The following PCDHA13 variants were observed in gnomAD, a reference collection of about 807,000 sequenced individuals.
PCDHA13 encodes the protein protocadherin alpha 13, also known as protocadherin alpha-13.
PCDHA13 carries 54 observed loss-of-function variants against 64.8 expected under a neutral mutation model. The observed-to-expected ratio is 0.83, with a 90% confidence interval of 0.67 to 1.04. The LOEUF is 1.04. PCDHA13 is among the 50% of genes least tolerant of loss of function. The pLI, the probability that PCDHA13 is intolerant of heterozygous loss-of-function variation, is 0.00. For synonymous variants in PCDHA13, 587 were observed against 564.4 expected, an observed-to-expected ratio of 1.04 and a Z score of -0.57; for missense variants, 1,248 against 1,254.3, an observed-to-expected ratio of 0.99 and a Z score of 0.08.
chr5:140,971,541 G>C (rs544682624), intron 1 of PCDHA13, among the ~76,000 whole-genome samples: 1 of 152,290 alleles, frequency 6.6e-6, no homozygotes, highest in Non-Finnish European at 1.5e-5. Flanking sequence ...ATCATTGCCA[G>C]ATCAACCTGT....
chr5:140,988,062 A>G (rs1032842011), intron 3 of PCDHA13, among the ~76,000 whole-genome samples: 1 of 152,114 alleles, frequency 6.6e-6, no homozygotes, highest in Non-Finnish European at 1.5e-5. Context: ...GTCAACATGA[A>G]TTTTTCTATT....
intron 1 of PCDHA13, 88 bp downstream of exon 1, chr5:140,884,750 A>T (rs1032518651): frequency 8.1e-5 from 116 of 1,431,120 alleles, no homozygotes; most frequent in Non-Finnish European, 1.2e-5. Context: ...TGCCAATTTC[A>T]AATTATTCTT....
At chr5:140,968,756 G>T in intron 1 of PCDHA13, 1 of 1,614,202 alleles carries the variant, frequency 6.2e-7, no homozygotes, top group Non-Finnish European at 8.5e-7. Flanking sequence ...GGTGGTCCGA[G>T]ATAATGGAGA....
At chr5:140,916,760 G>A (rs1387005871) in intron 1 of PCDHA13, among the ~76,000 whole-genome samples, 1 of 152,180 alleles carries the variant, frequency 6.6e-6, no homozygotes, top group Non-Finnish European at 1.5e-5. Context: ...ATTAGGGGAG[G>A]GGTGGCACAA....
chr5:140,921,257 A>G lies in PCDHA13; in HGVS notation c.2394+36595A>G, dbSNP rs115706395. On this transcript the variant is annotated intron_variant, in intron 1 of 3. Coordinates refer to ENST00000289272, the MANE Select transcript of PCDHA13 (RefSeq NM_018904.3). The stretch of plus-strand genomic sequence containing the variant: ...ATTAAGCCACAGATCAAAAAGTCCT[A>G]GACTTTTATACTTACTTGAAAAAAA... 1.4e-3 allele frequency among the ~76,000 whole-genome samples: 213 copies of G among 152,258 alleles called. 1 individual carries two copies. The highest frequency in any genetic ancestry group is 4.8e-3 in the African/African-American group (199 of 41,532).
intron 1 of PCDHA13, chr5:140,929,315 T>C: frequency 6.4e-7 from 1 of 1,559,382 alleles, no homozygotes; most frequent in African/African-American, 1.4e-5. Context: ...CACGCTAATG[T>C]CAATGCCATG....
At chr5:140,894,717 A>G (rs1349709964) in intron 1 of PCDHA13, among the ~76,000 whole-genome samples, 1 of 151,920 alleles carries the variant, frequency 6.6e-6, no homozygotes, top group Non-Finnish European at 1.5e-5. Flanking sequence ...GTTGTTTTCA[A>G]ATATTACGTA....
intron 2 of PCDHA13, among the ~76,000 whole-genome samples, chr5:140,981,605 C>CT (rs1444386694): frequency 1.1e-4 from 17 of 152,174 alleles, no homozygotes; most frequent in African/African-American, 2.9e-4. Context: ...AAATGTTCCT[C>CT]TAATTTTGAT....
At position 140,985,395 on chromosome 5, in the gene PCDHA13, C is replaced by G. The variant is rs377641758; in HGVS notation, c.2542+2832C>G. 2.6e-5 allele frequency among the ~76,000 whole-genome samples: 4 copies of G among 152,302 alleles called. No individual in the cohort carries two copies. The East Asian group carries it at 7.7e-4, about 29-fold the overall frequency. On this transcript the variant is annotated intron_variant, in intron 3 of 3. Coordinates refer to ENST00000289272, the MANE Select transcript of PCDHA13 (RefSeq NM_018904.3). ...GGTCTATATAATCCAGTCACCCCAACTGTTCCCCTGGAAATGGAGTGAGGA... is the reference window on the plus strand; with the variant it reads ...GGTCTATATAATCCAGTCACCCCAAGTGTTCCCCTGGAAATGGAGTGAGGA...
At chr5:140,924,903 AAAT>A (rs782701584) in intron 1 of PCDHA13, among the ~76,000 whole-genome samples, 3,132 of 54,516 alleles carry the variant, frequency 0.057, 46 homozygotes, top group African/African-American at 0.096. Context: ...TCAAAAAAAA[AAAT>A]AAAATAAAAT....
intron 1 of PCDHA13, chr5:140,927,842 T>A (rs201721848): frequency 1.9e-6 from 3 of 1,614,140 alleles, no homozygotes; most frequent in Admixed American, 1.7e-5. Context: ...GACGAAGGTG[T>A]CTTTGGTTTA....
At chr5:140,892,803 A>T (rs1554185373) in intron 1 of PCDHA13, among the ~76,000 whole-genome samples, 1 of 152,174 alleles carries the variant, frequency 6.6e-6, no homozygotes. Context: ...ATTATAGTTA[A>T]CCATATTTAT....
At chr5:141,005,321 A>C (rs1455149994) in intron 3 of PCDHA13, among the ~76,000 whole-genome samples, 1 of 152,182 alleles carries the variant, frequency 6.6e-6, no homozygotes, top group Admixed American at 6.5e-5. Context: ...AGTGGTAGAG[A>C]ATAATAGGCC....
intron 1 of PCDHA13, chr5:140,967,740 A>T (rs2096177949): frequency 6.2e-6 from 10 of 1,614,052 alleles, no homozygotes; most frequent in Non-Finnish European, 8.5e-6. Flanking sequence ...GGGCTGGATT[A>T]TGAGGAAGCC....
chr5:140,958,915 G>T (rs1162016056), intron 1 of PCDHA13, among the ~76,000 whole-genome samples: 13 of 150,674 alleles, frequency 8.6e-5, no homozygotes, highest in Non-Finnish European at 1.8e-4. Flanking sequence ...AAGTCTGCCT[G>T]GGTGTGGTGG....
chr5:140,992,971 T>C (rs1186217726), intron 3 of PCDHA13, among the ~76,000 whole-genome samples: 17 of 152,166 alleles, frequency 1.1e-4, no homozygotes, highest in Admixed American at 1.1e-3. Flanking sequence ...CTGCTGACAA[T>C]GATTAGGCCA....
At chr5:140,890,533 T>C (rs2062686259) in intron 1 of PCDHA13, among the ~76,000 whole-genome samples, 1 of 152,234 alleles carries the variant, frequency 6.6e-6, no homozygotes, top group South Asian at 2.1e-4. Context: ...TTGATCTTCT[T>C]TTGAAATGAC....
At chr5:140,894,256 A>G (rs1554186008) in intron 1 of PCDHA13, among the ~76,000 whole-genome samples, 1 of 152,010 alleles carries the variant, frequency 6.6e-6, no homozygotes, top group African/African-American at 2.4e-5. Context: ...TTTTCTTTAC[A>G]AGTGGTAGCT....
At chr5:140,974,724 C>T (rs893225073) in intron 1 of PCDHA13, among the ~76,000 whole-genome samples, 11 of 152,168 alleles carry the variant, frequency 7.2e-5, no homozygotes, top group Admixed American at 2.6e-4. Flanking sequence ...TGCTCTCGAA[C>T]TCCTGTCTCC....
Sources: gnomAD v4.1 joint callset for allele counts (sites outside exome capture counted in the v4.1 genomes callset) on GRCh38, gnomAD v4.1.1 for gene constraint, MANE v1.5 for transcripts, NCBI Gene and HGNC (gene_info 2026-07-23, HGNC 2026-07-21) for gene names.